TENM3: variants seen among roughly 807,000 people sequenced by gnomAD.
TENM3 encodes teneurin-3.
TENM3 carries 63 observed loss-of-function variants against 255.1 expected under a neutral mutation model. The observed-to-expected ratio is 0.25, with a 90% confidence interval of 0.20 to 0.30. The LOEUF (loss-of-function observed/expected upper bound fraction) is 0.30. Among genes scored for constraint, TENM3 ranks in the 10% least tolerant of loss-of-function variants. TENM3 has a pLI of 1.00. For missense variants in TENM3, 2,929 were observed against 3,461.1 expected, an observed-to-expected ratio of 0.85 and a Z score of 3.86; for synonymous variants, 1,306 against 1,322.3, an observed-to-expected ratio of 0.99 and a Z score of 0.27.
At chr4:181,746,958 TACAA>T in the TENM3 span, among the ~76,000 whole-genome samples, 3 of 152,246 alleles carry the variant, frequency 2.0e-5, no homozygotes, top group East Asian at 5.8e-4. Context: ...TATTCGCTAT[TACAA>T]ACAGTGTGGT....
intron 3 of TENM3, among the ~76,000 whole-genome samples, chr4:182,407,746 T>C (rs937759256): frequency 1.1e-4 from 17 of 152,210 alleles, no homozygotes; most frequent in African/African-American, 4.1e-4. Context: ...TATTGCATCA[T>C]TTAAAAAAGA....
chr4:182,060,799 T>C, the TENM3 span, among the ~76,000 whole-genome samples: 5 of 152,238 alleles, frequency 3.3e-5, no homozygotes, highest in African/African-American at 1.2e-4. Context: ...TGAATGTTTC[T>C]GATGGCCACT....
intron 1 of TENM3, among the ~76,000 whole-genome samples, chr4:182,163,089 C>CTAAT (rs1480600140): frequency 3.3e-5 from 5 of 152,196 alleles, no homozygotes; most frequent in Non-Finnish European, 7.3e-5. Flanking sequence ...ACTACCTGTA[C>CTAAT]TAATCAGTCA....
chr4:182,590,803 T>A (rs1340934399), intron 3 of TENM3, among the ~76,000 whole-genome samples: 3 of 150,266 alleles, frequency 2.0e-5, no homozygotes, highest in African/African-American at 7.3e-5. Context: ...CAGCTGAGAT[T>A]GCACCACTGC....
chr4:181,771,765 A>G, the TENM3 span, among the ~76,000 whole-genome samples: 1 of 152,224 alleles, frequency 6.6e-6, no homozygotes, highest in Non-Finnish European at 1.5e-5. Context: ...ACAAGTTCCC[A>G]GTGATGCAGA....
chr4:181,852,782 TA>T, the TENM3 span, among the ~76,000 whole-genome samples: 6 of 152,196 alleles, frequency 3.9e-5, no homozygotes, highest in African/African-American at 1.4e-4. Context: ...ATGAAGTTGC[TA>T]TTATAATCCT....
chr4:182,444,008 A>T (rs1772707201), intron 3 of TENM3, among the ~76,000 whole-genome samples: 1 of 152,232 alleles, frequency 6.6e-6, no homozygotes, highest in African/African-American at 2.4e-5. Context: ...TATTATTGTG[A>T]AATAAATATG....
chr4:181,811,064 G>A, the TENM3 span, among the ~76,000 whole-genome samples: 1 of 152,200 alleles, frequency 6.6e-6, no homozygotes, highest in Non-Finnish European at 1.5e-5. Flanking sequence ...GCAGTAAGCA[G>A]CGAGAAATTT....
At chr4:182,558,363 T>C (rs1742788352) in intron 3 of TENM3, among the ~76,000 whole-genome samples, 1 of 152,182 alleles carries the variant, frequency 6.6e-6, no homozygotes, top group Non-Finnish European at 1.5e-5. Context: ...TGTAGTGTTT[T>C]AGTGGCCAAA....
At chr4:181,633,740 T>C in the TENM3 span, among the ~76,000 whole-genome samples, 1 of 152,218 alleles carries the variant, frequency 6.6e-6, no homozygotes. Context: ...ATTCCAAAGA[T>C]GCTCTGAAAT....
At chr4:181,701,907 G>A in the TENM3 span, among the ~76,000 whole-genome samples, 1 of 152,154 alleles carries the variant, frequency 6.6e-6, no homozygotes, top group East Asian at 1.9e-4. Flanking sequence ...GGGAACAGGA[G>A]GCTTTTGGCG....
intron 4 of TENM3, among the ~76,000 whole-genome samples, chr4:182,603,074 C>T (rs1298492963): frequency 2.0e-5 from 3 of 152,088 alleles, no homozygotes; most frequent in South Asian, 2.1e-4. Context: ...GAGTAAGATG[C>T]GTTCTTGTTA....
At chr4:181,633,574 G>T in the TENM3 span, among the ~76,000 whole-genome samples, 1 of 150,990 alleles carries the variant, frequency 6.6e-6, no homozygotes, top group Admixed American at 6.6e-5. Context: ...TTATCAAATT[G>T]TTATAGTCCA....
At chr4:181,981,268 C>T in the TENM3 span, among the ~76,000 whole-genome samples, 12 of 152,118 alleles carry the variant, frequency 7.9e-5, no homozygotes, top group Admixed American at 4.6e-4. Flanking sequence ...GGTTAACTAA[C>T]GAATTTTTGC....
At chr4:181,574,224 T>C in the TENM3 span, among the ~76,000 whole-genome samples, 1 of 152,166 alleles carries the variant, frequency 6.6e-6, no homozygotes, top group African/African-American at 2.4e-5. Flanking sequence ...AAAAACAATC[T>C]CTTCACCTTC....
chr4:181,703,291 C>T, the TENM3 span, among the ~76,000 whole-genome samples: 1 of 152,180 alleles, frequency 6.6e-6, no homozygotes, highest in South Asian at 2.1e-4. Context: ...ATAGACTGTA[C>T]TTGTCTACTG....
intron 3 of TENM3, among the ~76,000 whole-genome samples, chr4:182,378,025 T>C (rs1044136934): frequency 2.0e-5 from 3 of 152,108 alleles, no homozygotes; most frequent in Admixed American, 2.0e-4. Flanking sequence ...CTAGGTCATG[T>C]GGAGGATACG....
chr4:182,463,033 T>A (rs2151402144), intron 3 of TENM3, among the ~76,000 whole-genome samples: 1 of 152,254 alleles, frequency 6.6e-6, no homozygotes, highest in South Asian at 2.1e-4. Flanking sequence ...CCACATCTAG[T>A]CAGCCCTCCC....
chr4:182,441,994 C>T (rs891909754), intron 3 of TENM3, among the ~76,000 whole-genome samples: 5 of 152,086 alleles, frequency 3.3e-5, no homozygotes, highest in Non-Finnish European at 5.9e-5. Flanking sequence ...AGAGTATTTA[C>T]GGAGCTGAAT....
Sources: allele counts gnomAD v4.1 joint callset (sites outside exome capture counted in the v4.1 genomes callset), GRCh38; gene constraint gnomAD v4.1.1; transcripts MANE v1.5; gene names NCBI Gene and HGNC (gene_info 2026-07-23, HGNC 2026-07-21).